PTPRD: variants seen among roughly 807,000 people sequenced by gnomAD.
The protein encoded by PTPRD is protein tyrosine phosphatase receptor type D, also known as receptor-type tyrosine-protein phosphatase delta.
PTPRD carries 34 observed loss-of-function variants against 214.5 expected under a neutral mutation model. The observed-to-expected ratio is 0.16, with a 90% CI of 0.12 to 0.21. The LOEUF is 0.21. PTPRD is among the 10% of genes least tolerant of loss of function. PTPRD has a pLI of 1.00. For synonymous variants in PTPRD, 1,128 were observed against 845.7 expected (o/e 1.33, Z -5.79); for missense variants, 2,545 against 2,398.7 (o/e 1.06, Z -1.27).
chr9:9,609,240 G>A (rs1196406964), intron 7 of PTPRD, among the ~76,000 whole-genome samples: 1 of 152,074 alleles, frequency 6.6e-6, no homozygotes, highest in African/African-American at 2.4e-5. Context: ...TACTTAAAAT[G>A]ATGAACCTAA....
intron 43 of PTPRD, among the ~76,000 whole-genome samples, chr9:8,333,572 A>G (rs573901729): frequency 1.3e-5 from 2 of 152,304 alleles, no homozygotes; most frequent in Admixed American, 1.3e-4. Context: ...CATGGAAAGG[A>G]ACAACTGGTA....
At chr9:8,340,509 A>G (rs1412455573) in intron 41 of PTPRD, 40 bp from the exon 42 acceptor site, 2 of 1,505,846 alleles carry the variant, frequency 1.3e-6, no homozygotes, top group Non-Finnish European at 1.8e-6. Flanking sequence ...TAAAGTATTT[A>G]GAGAACATGC....
rs1563828185 is a variant in PTPRD at position 8,496,206 on chromosome 9, AC to A, written c.2349+1035del. On this transcript the variant is annotated intron_variant, in intron 26 of 45. Transcript: ENST00000381196. ...CACACACACACACACACACACACAC[AC>A]ACAAACACACACACACACACACACT... is the stretch of plus-strand genomic sequence containing the variant. Among the ~76,000 whole-genome samples the A allele has an allele frequency of 3.3e-3, 463 of 139,702 alleles. 1 individual carries two copies. Among genetic ancestry groups the A allele is most frequent in the African/African-American group, 6.7e-3 (240 of 35,744 alleles). The allele number at this position is 139,702 out of a possible 152,430, so 91.6% of individuals were successfully genotyped here.
intron 11 of PTPRD, among the ~76,000 whole-genome samples, chr9:8,802,029 A>G (rs541636125): frequency 5.1e-4 from 77 of 152,210 alleles, no homozygotes; most frequent in Admixed American, 1.2e-3. Context: ...ATTATTTATT[A>G]TCGCCAATCT....
At chr9:8,576,387 T>C (rs1380224529) in intron 14 of PTPRD, among the ~76,000 whole-genome samples, 1 of 152,220 alleles carries the variant, frequency 6.6e-6, no homozygotes. Flanking sequence ...GGAGAAATAA[T>C]GGTTCTTTTA....
chr9:9,943,659 T>C (rs1003723048), intron 4 of PTPRD, among the ~76,000 whole-genome samples: 2 of 152,114 alleles, frequency 1.3e-5, no homozygotes, highest in African/African-American at 2.4e-5. Flanking sequence ...AAAAGTGTAG[T>C]CATTTCAAGA....
At chr9:9,554,603 G>C (rs982547393) in intron 8 of PTPRD, among the ~76,000 whole-genome samples, 9 of 151,908 alleles carry the variant, frequency 5.9e-5, no homozygotes, top group African/African-American at 2.2e-4. Flanking sequence ...GAAGATATTG[G>C]TCGTTGTTTG....
chr9:9,301,167 T>A (rs2134753934), intron 9 of PTPRD, among the ~76,000 whole-genome samples: 1 of 151,986 alleles, frequency 6.6e-6, no homozygotes, highest in East Asian at 1.9e-4. Flanking sequence ...CTCAGATGAC[T>A]AATTTTACAT....
chr9:9,270,984 A>G (rs1038996582), intron 9 of PTPRD, among the ~76,000 whole-genome samples: 1 of 151,352 alleles, frequency 6.6e-6, no homozygotes, highest in African/African-American at 2.4e-5. Flanking sequence ...AGACGGTGAG[A>G]TAAAAGCTTT....
intron 11 of PTPRD, among the ~76,000 whole-genome samples, chr9:8,891,197 G>A (rs1368657680): frequency 6.9e-6 from 1 of 145,894 alleles, no homozygotes; most frequent in Non-Finnish European, 1.5e-5. Flanking sequence ...GCAGTGGTGC[G>A]ATCTCCACTC....
chr9:10,255,281 C>T (rs186389539), intron 3 of PTPRD, among the ~76,000 whole-genome samples: 26 of 152,248 alleles, frequency 1.7e-4, no homozygotes, highest in South Asian at 6.2e-4. Flanking sequence ...CAAACCTAGA[C>T]GGTACAGCCT....
intron 3 of PTPRD, among the ~76,000 whole-genome samples, chr9:10,188,886 T>A (rs1273138919): frequency 6.6e-6 from 1 of 152,158 alleles, no homozygotes; most frequent in African/African-American, 2.4e-5. Context: ...CTTAACACAA[T>A]AATTGTATGA....
intron 11 of PTPRD, among the ~76,000 whole-genome samples, chr9:8,870,428 T>C (rs541115140): frequency 7.2e-5 from 11 of 152,100 alleles, no homozygotes; most frequent in Non-Finnish European, 1.3e-4. Flanking sequence ...GAATTGAAGA[T>C]GCAAGGGGGA....
chr9:8,408,552 A>C (rs7853978), intron 35 of PTPRD, among the ~76,000 whole-genome samples: 37,429 of 152,156 alleles, frequency 0.25, 5,236 homozygotes, highest in East Asian at 0.55. Context: ...TTTAAGTAAA[A>C]GTTGATTAAT....
chr9:9,933,257 G>A (rs1413204012), intron 5 of PTPRD, among the ~76,000 whole-genome samples: 1 of 152,244 alleles, frequency 6.6e-6, no homozygotes, highest in African/African-American at 2.4e-5. Flanking sequence ...TGGAGTACAT[G>A]CTCCAATTAA....
intron 30 of PTPRD, among the ~76,000 whole-genome samples, chr9:8,473,780 T>A (rs2096707991): frequency 6.6e-6 from 1 of 152,182 alleles, no homozygotes; most frequent in Non-Finnish European, 1.5e-5. Context: ...CCCACGGCAA[T>A]TAATTAACGG....
At chr9:9,577,076 C>T (rs75622311) in intron 7 of PTPRD, among the ~76,000 whole-genome samples, 2,562 of 152,192 alleles carry the variant, frequency 0.017, 74 homozygotes, top group African/African-American at 0.058. Flanking sequence ...TAAGTCATGG[C>T]TCATACTTAA....
intron 10 of PTPRD, among the ~76,000 whole-genome samples, chr9:9,107,622 G>C (rs974398051): frequency 3.0e-4 from 46 of 152,144 alleles, no homozygotes; most frequent in African/African-American, 1.1e-3. Context: ...AAGTAGGTGA[G>C]AGAATCAGGC....
intron 11 of PTPRD, among the ~76,000 whole-genome samples, chr9:9,001,244 G>A (rs1274393910): frequency 6.6e-6 from 1 of 151,986 alleles, no homozygotes; most frequent in Non-Finnish European, 1.5e-5. Context: ...TTCCCCACAT[G>A]TTTACACTTA....
Sources: allele counts gnomAD v4.1 joint callset (sites outside exome capture counted in the v4.1 genomes callset), GRCh38; gene constraint gnomAD v4.1.1; transcripts MANE v1.5; gene names NCBI Gene and HGNC (gene_info 2026-07-23, HGNC 2026-07-21).